CBFA2T3: variants seen among roughly 807,000 people sequenced by gnomAD.
CBFA2T3 encodes the protein CBFA2/RUNX1 partner transcriptional co-repressor 3.
CBFA2T3 carries 31 observed loss-of-function variants against 58.6 expected under a neutral mutation model. The observed-to-expected ratio is 0.53, with a 90% CI of 0.40 to 0.71. The LOEUF (loss-of-function observed/expected upper bound fraction) is 0.71. Ranked by LOEUF, CBFA2T3 falls within the 30% of genes least tolerant of loss-of-function variation. The probability of loss-of-function intolerance (pLI) is 0.00; values close to 1 mark genes in which losing one functional copy is unlikely to be tolerated. For synonymous variants in CBFA2T3, 531 were observed against 421.9 expected (o/e 1.26, Z -3.17); for missense variants, 1,076 against 963.1 (o/e 1.12, Z -1.55).
At chr16:88,944,693 A>C (rs538743906) in intron 1 of CBFA2T3, among the ~76,000 whole-genome samples, 4 of 152,374 alleles carry the variant, frequency 2.6e-5, no homozygotes, top group Admixed American at 2.0e-4. Context: ...GTTTGGATAA[A>C]GACGCAGTTT....
intron 3 of CBFA2T3, among the ~76,000 whole-genome samples, chr16:88,894,856 C>T (rs1322547456): frequency 6.6e-6 from 1 of 152,264 alleles, no homozygotes; most frequent in Non-Finnish European, 1.5e-5. Flanking sequence ...GGGGAAAACC[C>T]TTTCTACAGG....
chr16:88,884,026 A>C (rs1181343632), intron 7 of CBFA2T3: 2 of 152,230 alleles, frequency 1.3e-5, no homozygotes, highest in African/African-American at 4.8e-5. Flanking sequence ...CAGCTCAGTC[A>C]CCAGCCTGCT....
intron 1 of CBFA2T3, among the ~76,000 whole-genome samples, chr16:88,947,844 G>T (rs932552029): frequency 2.6e-5 from 4 of 152,206 alleles, no homozygotes; most frequent in African/African-American, 9.6e-5. Flanking sequence ...AGCCCAAGAG[G>T]TTAAGGCTGC....
At chr16:88,973,230 G>A (rs1972701507) in intron 1 of CBFA2T3, among the ~76,000 whole-genome samples, 1 of 152,240 alleles carries the variant, frequency 6.6e-6, no homozygotes, top group African/African-American at 2.4e-5. Context: ...GTGAGTGGCT[G>A]GAGCTCTGGC....
At chr16:88,956,293 C>T (rs563150527) in intron 1 of CBFA2T3, among the ~76,000 whole-genome samples, 26 of 152,274 alleles carry the variant, frequency 1.7e-4, no homozygotes, top group Non-Finnish European at 3.5e-4. Flanking sequence ...GAGAACCCCA[C>T]GCACACGGAG....
chr16:88,884,992 G>A (rs911917927), intron 7 of CBFA2T3, 54 bp downstream of exon 7: 47 of 1,341,682 alleles, frequency 3.5e-5, no homozygotes, highest in Middle Eastern at 4.7e-4. Context: ...ACATGTGGGC[G>A]CATGTGTGCT....
chr16:88,945,641 T>G (rs187179644), intron 1 of CBFA2T3, among the ~76,000 whole-genome samples: 31 of 152,206 alleles, frequency 2.0e-4, no homozygotes, highest in Admixed American at 1.0e-3. Context: ...CCTGTTAGAA[T>G]AACTAAAACT....
chr16:88,906,538 G>A (rs1253863115), intron 1 of CBFA2T3, among the ~76,000 whole-genome samples: 1 of 152,246 alleles, frequency 6.6e-6, no homozygotes, highest in African/African-American at 2.4e-5. Context: ...AGACACCAGT[G>A]TCCTGGTGCA....
chr16:88,888,742 T>G (rs1969502252), intron 5 of CBFA2T3, among the ~76,000 whole-genome samples: 1 of 151,558 alleles, frequency 6.6e-6, no homozygotes, highest in African/African-American at 2.4e-5. Context: ...CCTCCTGGCC[T>G]CCCCCTAGAA....
rs140507946 is a variant in CBFA2T3 at position 88,885,121 on chromosome 16, C to T, written c.1042G>A (p.Ala348Thr). 2.7e-5 allele frequency: 44 copies of T among 1,601,840 alleles called. No individual in the cohort carries two copies. In the African/African-American group the frequency reaches 3.5e-4, roughly 13 times the overall value. ...PPPHYRLEDIAMAHHFRDAYR... is the reference protein window; with the variant it reads ...PPPHYRLEDITMAHHFRDAYR... ...GCATCTCGGAAGTGGTGGGCCATGG[C>T]TATGTCCTCCAGGCGGTAGTGCGGC... The change falls in exon 7 of 12, where the codon GCC becomes ACC. Residue 348 changes from alanine to threonine, a missense_variant. Transcript: ENST00000268679. The surrounding 1 kb of genome is among the most constrained non-coding windows in gnomAD (Gnocchi z 5.3).
At chr16:88,917,028 C>T (rs1338422293) in intron 1 of CBFA2T3, among the ~76,000 whole-genome samples, 1 of 150,956 alleles carries the variant, frequency 6.6e-6, no homozygotes, top group Non-Finnish European at 1.5e-5. Flanking sequence ...GGGCTGAGAT[C>T]CCACCACTGC....
chr16:88,971,387 G>C (rs1427459262), intron 1 of CBFA2T3, among the ~76,000 whole-genome samples: 1 of 152,328 alleles, frequency 6.6e-6, no homozygotes, highest in Non-Finnish European at 1.5e-5. Context: ...TAGGATTACA[G>C]GCATGAGTCA....
At chr16:88,914,843 C>A (rs901376271) in intron 1 of CBFA2T3, among the ~76,000 whole-genome samples, 1 of 152,200 alleles carries the variant, frequency 6.6e-6, no homozygotes, top group African/African-American at 2.4e-5. Context: ...ATGTCTGGGG[C>A]CTGCTTGCCC....
chr16:88,976,685 T>G lies in CBFA2T3; in HGVS notation c.123A>C (p.Ala41=), dbSNP rs1409056839. 7 of 1,562,602 alleles carry G rather than the reference T, an allele frequency of 4.5e-6. No homozygotes were observed. The highest frequency in any genetic ancestry group is 1.2e-5 in the South Asian group (1 of 85,068). The stretch of plus-strand genomic sequence containing the variant: ...GGCCGCCCTTCCTGGGACCCCGGGG[T>G]GCGGAGCAGCCGGCAGATGCCAGGA... ...SGLLASAGCS[A]PRGPRKGGPA... The change falls in exon 1 of 12, where the codon GCA becomes GCC. Residue 41 remains alanine, a synonymous_variant. Transcript: ENST00000268679.
intron 5 of CBFA2T3, among the ~76,000 whole-genome samples, chr16:88,889,974 CCCCGT>C (rs1212234728): frequency 7.4e-5 from 11 of 148,596 alleles, no homozygotes; most frequent in African/African-American, 2.5e-4. Flanking sequence ...AGGGACGACG[CCCCGT>C]GATTCCTCCT....
intron 1 of CBFA2T3, among the ~76,000 whole-genome samples, chr16:88,963,311 AGG>A (rs1972416430): frequency 2.7e-5 from 4 of 148,388 alleles, no homozygotes; most frequent in Admixed American, 2.0e-4. Flanking sequence ...ATCTTCTGCC[AGG>A]GGCGGGCGCT....
intron 1 of CBFA2T3, among the ~76,000 whole-genome samples, chr16:88,965,814 T>C (rs571016502): frequency 3.2e-4 from 48 of 152,262 alleles, no homozygotes; most frequent in African/African-American, 1.0e-3. Context: ...TTTCATCTTA[T>C]AGGGGAACTT....
rs752645026 is a variant in CBFA2T3 at position 88,886,075 on chromosome 16, T to C, written c.779A>G (p.Gln260Arg). The change falls in exon 6 of 12, where the codon CAG (glutamine) becomes CGG (arginine). Residue 260 changes from glutamine to arginine, a missense_variant. Transcript: ENST00000268679. ...CARLAKQTPA[Q>R]YLAQHEQLLL... ...GAGCTGCTCATGCTGGGCCAAGTAC[T>C]GGGCGGGCGTCTGCTTGGCCAGGCG... The C allele has an allele frequency of 1.3e-6, 2 of 1,591,494 alleles. No homozygotes were observed. Among genetic ancestry groups the C allele is most frequent in the Non-Finnish European group, 1.7e-6 (2 of 1,174,974 alleles).
chr16:88,908,212 C>T (rs1485579485), intron 1 of CBFA2T3, among the ~76,000 whole-genome samples: 4 of 152,086 alleles, frequency 2.6e-5, no homozygotes, highest in African/African-American at 4.8e-5. Flanking sequence ...CGTAGTGGTG[C>T]GTGCCTATAA....
Sources: gnomAD v4.1 joint callset for allele counts (sites outside exome capture counted in the v4.1 genomes callset) on GRCh38, gnomAD v4.1.1 for gene constraint, Gnocchi (gnomAD v3.1) non-coding constraint, MANE v1.5 for transcripts, NCBI Gene and HGNC (gene_info 2026-07-23, HGNC 2026-07-21) for gene names.